Variants in HRH1 observed in about 807,000 individuals in gnomAD.
The protein encoded by HRH1 is histamine H1 receptor.
HRH1 carries 6 observed loss-of-function variants against 10.3 expected under a neutral mutation model. The observed-to-expected ratio is 0.58, with a 90% CI of 0.32 to 1.15. The LOEUF (loss-of-function observed/expected upper bound fraction) is 1.15. Among genes scored for constraint, HRH1 ranks in the 50% most tolerant of loss-of-function variants. HRH1 has a pLI of 0.05. For missense variants in HRH1, 514 were observed against 615.3 expected, an observed-to-expected ratio of 0.84 and a Z score of 1.74; for synonymous variants, 242 against 236.7, an observed-to-expected ratio of 1.02 and a Z score of -0.21.
At chr3:11,240,639 TTAAGCCA>T (rs879576707) in intron 1 of HRH1, among the ~76,000 whole-genome samples, 82,996 of 151,912 alleles carry the variant, frequency 0.55, 24,008 homozygotes, top group East Asian at 0.69. Flanking sequence ...AGGCTGACTC[TTAAGCCA>T]GAACTCCTCC....
chr3:11,180,072 G>C (rs1025659627), intron 1 of HRH1, among the ~76,000 whole-genome samples: 1 of 152,058 alleles, frequency 6.6e-6, no homozygotes, highest in African/African-American at 2.4e-5. Flanking sequence ...CCTCTTTTGT[G>C]TTTTAAATGG....
chr3:11,252,327 A>C (rs1939673654), intron 1 of HRH1, among the ~76,000 whole-genome samples: 1 of 152,178 alleles, frequency 6.6e-6, no homozygotes, highest in Non-Finnish European at 1.5e-5. Context: ...TTAACCCTTC[A>C]TCCCACAGAA....
chr3:11,224,472 C>T (rs538627070), intron 1 of HRH1, among the ~76,000 whole-genome samples: 9 of 152,170 alleles, frequency 5.9e-5, no homozygotes, highest in East Asian at 5.8e-4. Flanking sequence ...CCGCGGCAGG[C>T]GGATCATGAG....
At chr3:11,242,480 C>CAAAAAAAAAAAAA (rs35809891) in intron 1 of HRH1, among the ~76,000 whole-genome samples, 15 of 50,380 alleles carry the variant, frequency 3.0e-4, no homozygotes, top group Admixed American at 3.7e-4. Context: ...GACTCCGTCT[C>CAAAAAAAAAAAAA]AAAAAAAAAA....
At chr3:11,198,762 T>C (rs1220551278) in intron 1 of HRH1, among the ~76,000 whole-genome samples, 1 of 150,108 alleles carries the variant, frequency 6.7e-6, no homozygotes, top group Non-Finnish European at 1.5e-5. Flanking sequence ...ATGGGCGGAC[T>C]GTTTGAGCTG....
chr3:11,158,711 A>C (rs1936867776), intron 1 of HRH1, among the ~76,000 whole-genome samples: 1 of 152,118 alleles, frequency 6.6e-6, no homozygotes, highest in South Asian at 2.1e-4. Flanking sequence ...TTGATAGAAA[A>C]ATTCATGTTC....
chr3:11,171,364 C>T (rs557110462), intron 1 of HRH1, among the ~76,000 whole-genome samples: 38 of 152,320 alleles, frequency 2.5e-4, no homozygotes, highest in African/African-American at 8.9e-4. Flanking sequence ...GATCCACCTA[C>T]CTTGGCCTCC....
At chr3:11,199,424 A>C (rs762225058) in intron 1 of HRH1, among the ~76,000 whole-genome samples, 5 of 152,002 alleles carry the variant, frequency 3.3e-5, no homozygotes. Flanking sequence ...GTGTCCCACT[A>C]TCTCCTTGCC....
intron 1 of HRH1, among the ~76,000 whole-genome samples, chr3:11,216,158 G>C (rs1475042334): frequency 6.6e-6 from 1 of 152,132 alleles, no homozygotes; most frequent in Non-Finnish European, 1.5e-5. Flanking sequence ...AACATTAAAA[G>C]AGCATAAAGG....
chr3:11,234,988 G>A (rs899972284), intron 1 of HRH1, among the ~76,000 whole-genome samples: 3 of 152,102 alleles, frequency 2.0e-5, no homozygotes, highest in African/African-American at 7.2e-5. Flanking sequence ...GGCTGAGGTG[G>A]GCGGATCACG....
chr3:11,170,800 T>G (rs1937136868), intron 1 of HRH1, among the ~76,000 whole-genome samples: 1 of 152,112 alleles, frequency 6.6e-6, no homozygotes, highest in Non-Finnish European at 1.5e-5. Flanking sequence ...TTAATTCAGC[T>G]AAGTAAGGTG....
chr3:11,229,855 A>G (rs1419304043), intron 1 of HRH1, among the ~76,000 whole-genome samples: 3 of 152,252 alleles, frequency 2.0e-5, no homozygotes, highest in Non-Finnish European at 4.4e-5. Flanking sequence ...AAATACATAT[A>G]TAAAGTAAAT....
At chr3:11,170,686 G>A (rs548739343) in intron 1 of HRH1, among the ~76,000 whole-genome samples, 30 of 152,354 alleles carry the variant, frequency 2.0e-4, no homozygotes, top group African/African-American at 6.7e-4. Context: ...CAAGGGTTAC[G>A]AGCACACAGA....
intron 1 of HRH1, among the ~76,000 whole-genome samples, chr3:11,169,715 G>A (rs895270255): frequency 6.6e-6 from 1 of 152,146 alleles, no homozygotes. Flanking sequence ...CTTTGATAAA[G>A]CTCCCCATCC....
intron 1 of HRH1, among the ~76,000 whole-genome samples, chr3:11,171,937 A>G (rs1937158927): frequency 6.6e-6 from 1 of 152,194 alleles, no homozygotes; most frequent in Non-Finnish European, 1.5e-5. Context: ...TCCAGAGAAA[A>G]TATATTTGTG....
intron 1 of HRH1, among the ~76,000 whole-genome samples, chr3:11,191,646 C>T (rs188184556): frequency 5.9e-5 from 9 of 152,316 alleles, no homozygotes; most frequent in African/African-American, 1.9e-4. Flanking sequence ...AACCTGGGGG[C>T]CAGCATGGAG....
At chr3:11,235,954 TG>T (rs1463296449) in intron 1 of HRH1, among the ~76,000 whole-genome samples, 1 of 152,152 alleles carries the variant, frequency 6.6e-6, no homozygotes, top group African/African-American at 2.4e-5. Flanking sequence ...CTGATGTATG[TG>T]GCCAAAAAAA....
chr3:11,210,272 T>G (rs1205763267), intron 1 of HRH1, among the ~76,000 whole-genome samples: 1 of 152,130 alleles, frequency 6.6e-6, no homozygotes, highest in African/African-American at 2.4e-5. Context: ...TGAGTACCTG[T>G]GGTCTCAGCT....
chr3:11,152,028 T>G (rs991355600), upstream of HRH1, among the ~76,000 whole-genome samples: 1 of 152,198 alleles, frequency 6.6e-6, no homozygotes, highest in Non-Finnish European at 1.5e-5. Context: ...GGAGTGGGGC[T>G]GTGGGTCCAG....
Sources: allele counts gnomAD v4.1 joint callset (sites outside exome capture counted in the v4.1 genomes callset), GRCh38; gene constraint gnomAD v4.1.1; transcripts MANE v1.5; gene names NCBI Gene and HGNC (gene_info 2026-07-23, HGNC 2026-07-21).